Variants in STK33 observed in about 807,000 individuals in gnomAD.
STK33 encodes the protein serine/threonine kinase 33, also known as serine/threonine-protein kinase 33.
A neutral mutation model predicts 58.0 loss-of-function variants in STK33; 52 were observed. The observed-to-expected ratio is 0.90, with a 90% confidence interval of 0.72 to 1.13. The LOEUF (loss-of-function observed/expected upper bound fraction) is 1.13. Among genes scored for constraint, STK33 ranks in the 50% most tolerant of loss-of-function variants. The pLI is 0.00. For synonymous variants in STK33, 215 were observed against 200.1 expected (o/e 1.07, Z -0.63); for missense variants, 630 against 604.2 (o/e 1.04, Z -0.45).
chr11:8,482,235 A>T (rs1378389720), intron 1 of STK33, among the ~76,000 whole-genome samples: 1 of 152,222 alleles, frequency 6.6e-6, no homozygotes, highest in Non-Finnish European at 1.5e-5. Flanking sequence ...TAAATTCAGC[A>T]AAACAGGAAA....
intron 12 of STK33, among the ~76,000 whole-genome samples, chr11:8,438,764 C>T: frequency 6.6e-6 from 1 of 152,128 alleles, no homozygotes; most frequent in Non-Finnish European, 1.5e-5. Context: ...ATGTTTGACT[C>T]ATGGTTTCTA....
At chr11:8,525,703 A>G (rs1953962813) in intron 1 of STK33, among the ~76,000 whole-genome samples, 1 of 152,200 alleles carries the variant, frequency 6.6e-6, no homozygotes, top group African/African-American at 2.4e-5. Context: ...CTTAAATAAA[A>G]TGCAAAGACG....
Position 8,577,080 on chromosome 11 carries a change from G to T in STK33, c.-466+17003C>A, listed in dbSNP as rs541901953. ...GATTCATTTAGAAGAAAATTTGGGAGGATAGGAGCCCTGAAATGTGTCTAG... is the reference window on the plus strand; with the variant it reads ...GATTCATTTAGAAGAAAATTTGGGATGATAGGAGCCCTGAAATGTGTCTAG... On this transcript the variant is annotated intron_variant, in intron 1 of 15. Coordinates refer to ENST00000687296, the MANE Select transcript of STK33 (RefSeq NM_001352389.2). Among the ~76,000 whole-genome samples, 28 of 152,236 alleles carry T rather than the reference G, an allele frequency of 1.8e-4. No homozygotes were observed. In the South Asian group the frequency reaches 3.1e-3, roughly 17 times the overall value.
At chr11:8,428,587 G>A (rs1055856165) in intron 14 of STK33, among the ~76,000 whole-genome samples, 6 of 152,146 alleles carry the variant, frequency 3.9e-5, no homozygotes, top group Non-Finnish European at 8.8e-5. Flanking sequence ...GTCTTGAAAC[G>A]TAACTCAAAC....
Position 8,454,782 on chromosome 11 carries a change from G to T in STK33, c.748C>A (p.Leu250Ile). 1.3e-6 allele frequency: 2 copies of T among 1,576,560 alleles called. No individual in the cohort carries two copies. Among genetic ancestry groups the T allele is most frequent in the East Asian group, 2.3e-5 (1 of 43,154 alleles). ...TTTATTTCATTGTTATCATCAATAA[G>T]ACTGCTTTTAACCATTATATTTTCC... ...KLENIMVKSS[L>I]IDDNNEINLN... The change falls in exon 10 of 16, where the codon CTT becomes ATT. Residue 250 changes from leucine to isoleucine, a missense_variant. Leu to Ile is a conservative substitution (Grantham distance 5). Coordinates refer to ENST00000687296, the MANE Select transcript of STK33 (RefSeq NM_001352389.2).
At chr11:8,384,553 T>C in the STK33 span, among the ~76,000 whole-genome samples, 1 of 152,242 alleles carries the variant, frequency 6.6e-6, no homozygotes, top group African/African-American at 2.4e-5. Flanking sequence ...CACTTTTATG[T>C]TCCGCCTGTA....
intron 1 of STK33, among the ~76,000 whole-genome samples, chr11:8,504,509 C>T (rs1188223546): frequency 6.6e-6 from 1 of 152,070 alleles, no homozygotes; most frequent in Non-Finnish European, 1.5e-5. Context: ...AAATTATAGG[C>T]CAGGTGCCAT....
chr11:8,444,569 G>C (rs971050491), intron 11 of STK33, among the ~76,000 whole-genome samples: 5 of 152,060 alleles, frequency 3.3e-5, no homozygotes, highest in Non-Finnish European at 1.5e-5. Context: ...ACTGTGATAA[G>C]AGCAGATAAT....
chr11:8,484,390 C>T (rs1252504694), intron 1 of STK33, among the ~76,000 whole-genome samples: 1 of 152,136 alleles, frequency 6.6e-6, no homozygotes, highest in Non-Finnish European at 1.5e-5. Flanking sequence ...ACCTAATGCT[C>T]CAAATATTGT....
chr11:8,425,682 T>C (rs935268896), intron 14 of STK33, among the ~76,000 whole-genome samples: 4 of 152,218 alleles, frequency 2.6e-5, no homozygotes, highest in African/African-American at 9.6e-5. Context: ...AGTAGAGAGC[T>C]AGATTTTTAA....
intron 1 of STK33, among the ~76,000 whole-genome samples, chr11:8,527,186 G>C (rs920973093): frequency 7.9e-5 from 12 of 152,006 alleles, no homozygotes; most frequent in African/African-American, 2.9e-4. Flanking sequence ...ATCTTGGCCA[G>C]GCTGGTCTAG....
the STK33 span, among the ~76,000 whole-genome samples, chr11:8,339,037 C>T: frequency 1.3e-5 from 2 of 152,254 alleles, no homozygotes; most frequent in Admixed American, 6.5e-5. Flanking sequence ...CCCCATGCAT[C>T]GGCTTGCTAG....
At chr11:8,499,851 A>G (rs1225715851) in intron 1 of STK33, among the ~76,000 whole-genome samples, 1 of 152,132 alleles carries the variant, frequency 6.6e-6, no homozygotes, top group Non-Finnish European at 1.5e-5. Context: ...GTTCTCACTC[A>G]TAAGTGGGAG....
intron 1 of STK33, among the ~76,000 whole-genome samples, chr11:8,505,043 T>C (rs1951772625): frequency 1.3e-5 from 2 of 152,212 alleles, no homozygotes; most frequent in Admixed American, 1.3e-4. Flanking sequence ...GGTGTGCTTA[T>C]ACCATGGAAT....
At chr11:8,448,189 T>A (rs1406698421) in intron 11 of STK33, among the ~76,000 whole-genome samples, 6 of 152,080 alleles carry the variant, frequency 3.9e-5, no homozygotes, top group African/African-American at 1.4e-4. Context: ...ATCAATATCG[T>A]GAAAATGGCC....
downstream of STK33, among the ~76,000 whole-genome samples, chr11:8,391,328 G>A (rs1848619055): frequency 6.6e-6 from 1 of 152,216 alleles, no homozygotes; most frequent in Admixed American, 6.5e-5. Context: ...TTGGCCAGCA[G>A]GTTCCCCCAA....
At position 8,578,901 on chromosome 11, in the gene STK33, A is replaced by C. The variant is rs1181848371; in HGVS notation, c.-466+15182T>G. ...ACCTTAGGCAAGTTCTCCAAGCCCC[A>C]GTTTCCTCATCTGTAAAATGGAAGT... On this transcript the variant is annotated intron_variant, in intron 1 of 15. Coordinates refer to ENST00000687296, the MANE Select transcript of STK33 (RefSeq NM_001352389.2). Among the ~76,000 whole-genome samples, 8 of 152,140 alleles carry C rather than the reference A, an allele frequency of 5.3e-5. No homozygotes were observed. The East Asian group carries it at 1.4e-3, about 26-fold the overall frequency.
intron 15 of STK33, among the ~76,000 whole-genome samples, chr11:8,412,414 T>C (rs1406151274): frequency 6.6e-6 from 1 of 152,232 alleles, no homozygotes; most frequent in African/African-American, 2.4e-5. Flanking sequence ...AATCATTATG[T>C]TATGCTTATT....
downstream of STK33, among the ~76,000 whole-genome samples, chr11:8,391,038 G>A (rs140920145): frequency 5.3e-5 from 8 of 152,288 alleles, no homozygotes; most frequent in East Asian, 9.7e-4. Context: ...GCTTCTCCCC[G>A]CCGGAGGTGA....
Sources: allele counts gnomAD v4.1 joint callset (sites outside exome capture counted in the v4.1 genomes callset), GRCh38; gene constraint gnomAD v4.1.1; transcripts MANE v1.5; gene names NCBI Gene and HGNC (gene_info 2026-07-23, HGNC 2026-07-21).